Variants in UGT2A2 observed in about 807,000 individuals in gnomAD.
The protein encoded by UGT2A2 is UDP glucuronosyltransferase family 2 member A2.
In UGT2A2, 60 loss-of-function variants were observed where a neutral mutation model predicts 50.7. The observed-to-expected ratio is 1.18, with a 90% CI of 0.96 to 1.47. The LOEUF is 1.47. Ranked by LOEUF, UGT2A2 falls within the 40% of genes most tolerant of loss-of-function variation. The probability of loss-of-function intolerance (pLI) is 0.00; values close to 1 mark genes in which losing one functional copy is unlikely to be tolerated. For synonymous variants in UGT2A2, 242 were observed against 214.6 expected, an observed-to-expected ratio of 1.13 and a Z score of -1.11; for missense variants, 762 against 634.0, an observed-to-expected ratio of 1.20 and a Z score of -2.17.
At chr4:69,596,175 G>C (rs1268721729) in intron 3 of UGT2A2, 75 bp downstream of exon 3, 1 of 1,377,810 alleles carries the variant, frequency 7.3e-7, no homozygotes. Flanking sequence ...ATTTTCATAT[G>C]GAAAGAACAT....
At chr4:69,597,714 T>G (rs992584642) in intron 2 of UGT2A2, among the ~76,000 whole-genome samples, 1 of 125,908 alleles carries the variant, frequency 7.9e-6, no homozygotes, top group African/African-American at 3.0e-5. Flanking sequence ...TTCATTAAAA[T>G]AACACACACA....
intron 1 of UGT2A2, chr4:69,635,568 G>A (rs1431521925): frequency 6.0e-6 from 1 of 166,848 alleles, no homozygotes; most frequent in African/African-American, 2.4e-5. Context: ...TGTGGCTCAA[G>A]CCTGTAATCC....
At chr4:69,611,113 T>TAA (rs5859193) in intron 1 of UGT2A2, among the ~76,000 whole-genome samples, 28 of 151,158 alleles carry the variant, frequency 1.9e-4, no homozygotes, top group African/African-American at 1.7e-4. Context: ...ATCAGTGAAG[T>TAA]AAAAAAAGAA....
At chr4:69,627,536 G>A (rs1353725048) in intron 1 of UGT2A2, among the ~76,000 whole-genome samples, 2 of 129,194 alleles carry the variant, frequency 1.5e-5, no homozygotes, top group African/African-American at 5.6e-5. Context: ...AAGAAAGAAA[G>A]AGAGAGAGAG....
intron 5 of UGT2A2, among the ~76,000 whole-genome samples, chr4:69,593,079 G>A (rs1718681017): frequency 6.6e-6 from 1 of 152,066 alleles, no homozygotes; most frequent in Non-Finnish European, 1.5e-5. Context: ...CTGAAGGAAA[G>A]AAAGCAAGAG....
In UGT2A2 at chr4:69,589,525, T is replaced by C; in HGVS notation, c.1458A>G (p.Ala486=). The C allele has an allele frequency of 6.2e-7, 1 of 1,614,126 alleles. No homozygotes were observed. Among genetic ancestry groups the C allele is most frequent in the Non-Finnish European group, 8.5e-7 (1 of 1,180,012 alleles). Residue 486 remains alanine, a synonymous_variant, in exon 6 of 6, where the codon GCA becomes GCG. Transcript: ENST00000604629. ...ACTGGAACCAGGTGAGGTCATGGGC[T>C]GCAACCCGAAGGTGCTTGGCTCCTT... is the stretch of plus-strand genomic sequence containing the variant. ...RHKGAKHLRV[A]AHDLTWFQYH...
At chr4:69,593,199 T>C (rs762603450) in intron 5 of UGT2A2, among the ~76,000 whole-genome samples, 2 of 152,052 alleles carry the variant, frequency 1.3e-5, no homozygotes, top group Non-Finnish European at 2.9e-5. Context: ...TGAAAGAAAA[T>C]TCCATGTGAG....
rs541204039 is a variant in UGT2A2 at position 69,588,671 on chromosome 4, C to T, written c.*701G>A. 4 of 151,886 alleles carry T rather than the reference C, an allele frequency of 2.6e-5. No homozygotes were observed. Among genetic ancestry groups the T allele is most frequent in the South Asian group, 2.1e-4 (1 of 4,816 alleles). The allele number at this position is 151,886 out of a possible 1,614,324, so 9.4% of individuals were successfully genotyped here. ...AACTTTCTCCTTGAAATAAAAGAGT[C>T]GATTGATTGATTTATTAAAGACAGT... is the stretch of plus-strand genomic sequence containing the variant. On this transcript the variant is annotated 3_prime_UTR_variant, in exon 6 of 6. Coordinates refer to ENST00000604629, the MANE Select transcript of UGT2A2 (RefSeq NM_001105677.2).
chr4:69,593,149 CT>C (rs1256810220), intron 5 of UGT2A2, among the ~76,000 whole-genome samples: 1 of 152,004 alleles, frequency 6.6e-6, no homozygotes, highest in Non-Finnish European at 1.5e-5. Context: ...GTGAATATTG[CT>C]AAACATTATC....
At chr4:69,621,408 AC>A (rs1720748693) in intron 1 of UGT2A2, among the ~76,000 whole-genome samples, 1 of 152,040 alleles carries the variant, frequency 6.6e-6, no homozygotes, top group African/African-American at 2.4e-5. Flanking sequence ...AAAGCTAAAT[AC>A]CACTGATTAT....
chr4:69,589,434 G>A lies in UGT2A2; in HGVS notation c.1549C>T (p.Gln517Ter). Residue 517 changes from glutamine (Q) to a stop codon, truncating the protein, a stop_gained, in exon 6 of 6, where the codon CAA (glutamine) becomes TAA (stop). Transcript: ENST00000604629. LOFTEE classifies it high-confidence loss of function. Reference sequence around the variant, plus strand: ...TTTTGACAGGAAAACAAACAACATTGTATGACCAAAAATATAGCCGTTGTC... The same window carrying A: ...TTTTGACAGGAAAACAAACAACATTATATGACCAAAAATATAGCCGTTGTC... Reference protein sequence around the residue: ...CVTTAIFLVIQCCLFSCQKFG... With the variant: ...CVTTAIFLVI The A allele has an allele frequency of 6.2e-7, 1 of 1,613,542 alleles. No individual in the cohort carries two copies. Among genetic ancestry groups the A allele is most frequent in the African/African-American group, 1.3e-5 (1 of 74,874 alleles).
chr4:69,610,525 A>G (rs1719971132), intron 1 of UGT2A2, among the ~76,000 whole-genome samples: 1 of 152,188 alleles, frequency 6.6e-6, no homozygotes, highest in South Asian at 2.1e-4. Context: ...ACAAACTTTA[A>G]ATAATCTGTT....
rs553411785 is a variant in UGT2A2, at chr4:69,639,434, G to A, written c.207C>T (p.Phe69=). The change falls in exon 1 of 6, where the codon TTC becomes TTT. Residue 69 remains phenylalanine (F), a synonymous_variant. Coordinates refer to ENST00000604629, the MANE Select transcript of UGT2A2 (RefSeq NM_001105677.2). ...CAGGAGAATCGGGATTGGAGTTGAT[G>A]AATAGAGTTGCTGATGAAGCCAGTA... ...VTVLASSATL[F]INSNPDSPVN... 1 of 1,613,174 alleles carries A rather than the reference G, an allele frequency of 6.2e-7. No individual in the cohort carries two copies. The highest frequency in any genetic ancestry group is 2.2e-5 in the East Asian group (1 of 44,852).
At chr4:69,612,579 C>G (rs887240323) in intron 1 of UGT2A2, among the ~76,000 whole-genome samples, 5 of 151,852 alleles carry the variant, frequency 3.3e-5, no homozygotes, top group Non-Finnish European at 1.5e-5. Flanking sequence ...AATAAAGCCA[C>G]ACAAAACCAT....
At chr4:69,622,663 G>A (rs994560865) in intron 1 of UGT2A2, among the ~76,000 whole-genome samples, 1 of 151,648 alleles carries the variant, frequency 6.6e-6, no homozygotes, top group Non-Finnish European at 1.5e-5. Context: ...GGTGAGGGGG[G>A]CATGCATTGA....
At chr4:69,597,246 G>T (rs921012906) in intron 2 of UGT2A2, among the ~76,000 whole-genome samples, 1 of 152,146 alleles carries the variant, frequency 6.6e-6, no homozygotes, top group African/African-American at 2.4e-5. Flanking sequence ...ATAACAAAGT[G>T]CATCTCCAAC....
In UGT2A2 at chr4:69,596,361, C is replaced by G. The variant is rs750566755; in HGVS notation, c.912G>C (p.Gln304His). 2 of 1,600,336 alleles carry G rather than the reference C, an allele frequency of 1.2e-6. No individual in the cohort carries two copies. Among genetic ancestry groups the G allele is most frequent in the Non-Finnish European group, 1.7e-6 (2 of 1,172,760 alleles). ...PLPKEMEEFI[Q>H]SSGKNGVVVF... is the part of the protein sequence containing the mutation. ...CCACAACACCATTTTTACCTGAGCT[C>G]TGGATAAATTCTTCCATTTCCTGCA... Residue 304 changes from glutamine to histidine, a missense_variant, in exon 3 of 6, where the codon CAG (glutamine) becomes CAC (histidine). Transcript: ENST00000604629.
At chr4:69,628,038 C>T (rs186708045) in intron 1 of UGT2A2, among the ~76,000 whole-genome samples, 29 of 151,968 alleles carry the variant, frequency 1.9e-4, no homozygotes, top group African/African-American at 6.7e-4. Flanking sequence ...TCTCACTTGT[C>T]TGTTTTTGCT....
chr4:69,607,864 A>C (rs976622118), intron 1 of UGT2A2, among the ~76,000 whole-genome samples: 9 of 152,228 alleles, frequency 5.9e-5, no homozygotes, highest in Non-Finnish European at 1.2e-4. Flanking sequence ...ACAAAACCAC[A>C]ATGAGATACC....
Sources: gnomAD v4.1 joint callset for allele counts (sites outside exome capture counted in the v4.1 genomes callset) on GRCh38, gnomAD v4.1.1 for gene constraint, MANE v1.5 for transcripts, NCBI Gene and HGNC (gene_info 2026-07-23, HGNC 2026-07-21) for gene names.